NBEA: variants seen among roughly 807,000 people sequenced by gnomAD.
The protein encoded by NBEA is lysosomal-trafficking regulator 2.
NBEA carries 44 observed loss-of-function variants against 343.4 expected under a neutral mutation model. That is an observed-to-expected ratio of 0.13 (90% CI 0.10 to 0.16). The LOEUF (loss-of-function observed/expected upper bound fraction) is 0.16, where lower values mean the gene tolerates loss of function less well. Ranked by LOEUF, NBEA falls within the 10% of genes least tolerant of loss-of-function variation. The pLI, the probability that NBEA is intolerant of heterozygous loss-of-function variation, is 1.00. For missense variants in NBEA, 2,555 were observed against 3,631.3 expected (o/e 0.70, Z 7.62); for synonymous variants, 1,175 against 1,238.7 (o/e 0.95, Z 1.08).
chr13:35,391,741 G>T (rs976664710), intron 38 of NBEA, among the ~76,000 whole-genome samples: 2 of 152,094 alleles, frequency 1.3e-5, no homozygotes, highest in African/African-American at 4.8e-5. Context: ...ATTCTTATGA[G>T]CACTACACAA....
chr13:35,517,188 C>G (rs1348415641), intron 41 of NBEA, among the ~76,000 whole-genome samples: 2 of 152,174 alleles, frequency 1.3e-5, no homozygotes, highest in East Asian at 3.9e-4. Context: ...CTTGCCAAGT[C>G]CTCCGCTCCC....
In NBEA at chr13:35,319,668, T is replaced by C. The variant is rs138589177; in HGVS notation, c.5903+10076T>C. Among the ~76,000 whole-genome samples, 801 of 152,322 alleles carry C rather than the reference T, an allele frequency of 5.3e-3. 12 individuals are homozygous for C. Among genetic ancestry groups the C allele is most frequent in the East Asian group, 0.039 (202 of 5,182 alleles). ...ATCCTTGTTAATTTTCTCTCGTTGA[T>C]ATGTCTAATATTGACAGTGGGGTGT... On this transcript the variant is annotated intron_variant, in intron 36 of 58. Coordinates refer to ENST00000379939, the MANE Select transcript of NBEA (RefSeq NM_001385012.1).
intron 40 of NBEA, among the ~76,000 whole-genome samples, chr13:35,456,564 A>C (rs979961689): frequency 2.0e-5 from 3 of 152,084 alleles, no homozygotes; most frequent in Non-Finnish European, 4.4e-5. Flanking sequence ...AATGAATTTT[A>C]ATATAAAATC....
intron 36 of NBEA, among the ~76,000 whole-genome samples, chr13:35,310,464 T>G (rs2037285021): frequency 6.6e-6 from 1 of 152,224 alleles, no homozygotes. Context: ...CTACCAGGAC[T>G]AAAACACAGC....
At chr13:35,474,773 G>A (rs2075788922) in intron 41 of NBEA, 2 of 336,358 alleles carry the variant, frequency 5.9e-6, no homozygotes, top group South Asian at 5.8e-5. Flanking sequence ...CGTTACAGCT[G>A]GGCTGTTTAC....
intron 41 of NBEA, among the ~76,000 whole-genome samples, chr13:35,520,433 A>C (rs879638408): frequency 6.6e-6 from 1 of 152,200 alleles, no homozygotes; most frequent in Non-Finnish European, 1.5e-5. Flanking sequence ...TACCAGCGAG[A>C]TTCTAACATT....
In NBEA at chr13:35,311,847, T is replaced by G. The variant is rs111955363; in HGVS notation, c.5903+2255T>G. ...TCAGCCTGGGCGATGAGAGCGAGAC[T>G]TCGTCCCCCCACCAAAAAAAAAAAT... is the stretch of plus-strand genomic sequence containing the variant. On this transcript the variant is annotated intron_variant, in intron 36 of 58. Coordinates refer to ENST00000379939, the MANE Select transcript of NBEA (RefSeq NM_001385012.1). Among the ~76,000 whole-genome samples, 980 of 152,230 alleles carry G rather than the reference T, an allele frequency of 6.4e-3. 9 individuals are homozygous for G. The highest frequency in any genetic ancestry group is 0.023 in the African/African-American group (942 of 41,556).
intron 1 of NBEA, among the ~76,000 whole-genome samples, chr13:34,974,966 C>T (rs2060116610): frequency 6.6e-6 from 1 of 152,116 alleles, no homozygotes; most frequent in Non-Finnish European, 1.5e-5. Context: ...ACAATTTTTA[C>T]CCGGTAGTAG....
At chr13:35,282,475 A>G in intron 34 of NBEA, among the ~76,000 whole-genome samples, 1 of 152,180 alleles carries the variant, frequency 6.6e-6, no homozygotes, top group East Asian at 1.9e-4. Context: ...AATTTCAAGG[A>G]GCTCAGAGAG....
chr13:35,105,509 C>T (rs1221967247), intron 11 of NBEA, among the ~76,000 whole-genome samples: 3 of 151,992 alleles, frequency 2.0e-5, no homozygotes, highest in African/African-American at 4.8e-5. Flanking sequence ...AGAGAATTGG[C>T]GCTATAGACC....
Position 35,584,062 on chromosome 13 carries a change from T to C in NBEA, c.7176+24T>C, listed in dbSNP as rs2081177767. ...TTGTGAGTATCTTCATTGAGTTAGC[T>C]TGCCTTTGGTACCTTAAAATTTTAA... On this transcript the variant is annotated intron_variant, in intron 46 of 58. Coordinates refer to ENST00000379939, the MANE Select transcript of NBEA (RefSeq NM_001385012.1). 3 of 1,608,806 alleles carry C rather than the reference T, an allele frequency of 1.9e-6. No homozygotes were observed. In the East Asian group the frequency reaches 6.7e-5, roughly 36 times the overall value.
At chr13:35,511,565 C>A (rs2152986814) in intron 41 of NBEA, among the ~76,000 whole-genome samples, 1 of 152,168 alleles carries the variant, frequency 6.6e-6, no homozygotes, top group Middle Eastern at 3.4e-3. Flanking sequence ...ATCTCTCAAC[C>A]CTCATCAGGT....
At chr13:35,208,266 A>T (rs2073531573) in intron 31 of NBEA, among the ~76,000 whole-genome samples, 2 of 152,142 alleles carry the variant, frequency 1.3e-5, no homozygotes, top group Admixed American at 6.6e-5. Flanking sequence ...AGAATTTGGC[A>T]TTCAAATGTT....
At chr13:35,142,611 G>A (rs1324382492) in intron 18 of NBEA, among the ~76,000 whole-genome samples, 1 of 152,068 alleles carries the variant, frequency 6.6e-6, no homozygotes, top group Admixed American at 6.6e-5. Context: ...CTTCTTGTAT[G>A]GGTTGGCTGA....
chr13:35,600,142 A>C (rs960221056), intron 47 of NBEA, among the ~76,000 whole-genome samples: 1 of 152,240 alleles, frequency 6.6e-6, no homozygotes, highest in Non-Finnish European at 1.5e-5. Flanking sequence ...TTGCTTACCA[A>C]GAATTTACAT....
chr13:35,169,613 T>G (rs573511746), intron 25 of NBEA, among the ~76,000 whole-genome samples: 67 of 151,766 alleles, frequency 4.4e-4, no homozygotes, highest in African/African-American at 1.5e-3. Flanking sequence ...GCAATTTCAG[T>G]GATTCAAAAT....
chr13:35,423,467 C>T (rs904268481), intron 38 of NBEA, among the ~76,000 whole-genome samples: 6 of 152,092 alleles, frequency 3.9e-5, no homozygotes, highest in South Asian at 2.1e-4. Context: ...TGTAGATATG[C>T]GTCATTATTT....
At chr13:35,399,301 A>G (rs964825439) in intron 38 of NBEA, among the ~76,000 whole-genome samples, 1 of 152,142 alleles carries the variant, frequency 6.6e-6, no homozygotes, top group African/African-American at 2.4e-5. Context: ...AGATAGTGCC[A>G]GAGACTGGGT....
intron 33 of NBEA, among the ~76,000 whole-genome samples, chr13:35,218,730 T>C (rs1473998499): frequency 1.3e-5 from 2 of 152,162 alleles, no homozygotes; most frequent in East Asian, 1.9e-4. Flanking sequence ...GTTTATCTTA[T>C]GCTTTTTAAA....
Sources: gnomAD v4.1 joint callset for allele counts (sites outside exome capture counted in the v4.1 genomes callset) on GRCh38, gnomAD v4.1.1 for gene constraint, MANE v1.5 for transcripts, NCBI Gene and HGNC (gene_info 2026-07-23, HGNC 2026-07-21) for gene names.